Variants in HS6ST3 observed in about 807,000 individuals in gnomAD.
HS6ST3 encodes the protein heparan sulfate 6-O-sulfotransferase 3.
HS6ST3 carries 12 observed loss-of-function variants against 36.7 expected under a neutral mutation model. The observed-to-expected ratio is 0.33, with a 90% CI of 0.21 to 0.53. HS6ST3 has a LOEUF of 0.53. Ranked by LOEUF, HS6ST3 falls within the 20% of genes least tolerant of loss-of-function variation. The pLI, the probability that HS6ST3 is intolerant of heterozygous loss-of-function variation, is 0.95. For synonymous variants in HS6ST3, 240 were observed against 257.5 expected, an observed-to-expected ratio of 0.93 and a Z score of 0.65; for missense variants, 584 against 640.9, an observed-to-expected ratio of 0.91 and a Z score of 0.96.
intron 1 of HS6ST3, among the ~76,000 whole-genome samples, chr13:96,248,127 C>G (rs1396882555): frequency 6.6e-6 from 1 of 152,122 alleles, no homozygotes; most frequent in African/African-American, 2.4e-5. Flanking sequence ...AATACTTGCC[C>G]TAAAGATTTG....
intron 1 of HS6ST3, among the ~76,000 whole-genome samples, chr13:96,668,686 CTTTTTTTTTTTTTTTTTTTTTTTTTT>C (rs146033180): frequency 6.8e-5 from 4 of 58,942 alleles, no homozygotes; most frequent in Non-Finnish European, 1.3e-4. Flanking sequence ...TAGTGCCAAC[CTTTTTTTTTTTTTTTTTTTTTTTTTT>C]TTTTTTTTTT....
At chr13:96,615,251 A>C (rs2056470193) in intron 1 of HS6ST3, among the ~76,000 whole-genome samples, 1 of 152,208 alleles carries the variant, frequency 6.6e-6, no homozygotes, top group Non-Finnish European at 1.5e-5. Context: ...GCTTCAGTTG[A>C]CTGACCCTAG....
chr13:96,418,043 C>T (rs1166339319), intron 1 of HS6ST3, among the ~76,000 whole-genome samples: 1 of 152,096 alleles, frequency 6.6e-6, no homozygotes, highest in Non-Finnish European at 1.5e-5. Flanking sequence ...ACTCATCTGA[C>T]ACATGTATTT....
At chr13:96,806,396 T>C (rs1878198761) in intron 1 of HS6ST3, among the ~76,000 whole-genome samples, 1 of 152,178 alleles carries the variant, frequency 6.6e-6, no homozygotes, top group Non-Finnish European at 1.5e-5. Flanking sequence ...ATACTGATAA[T>C]TAAATAAATG....
chr13:96,329,569 T>C (rs2055053255), intron 1 of HS6ST3, among the ~76,000 whole-genome samples: 1 of 140,096 alleles, frequency 7.1e-6, no homozygotes, highest in Non-Finnish European at 1.5e-5. Context: ...ATCTCTGTTC[T>C]TTTAAATTTG....
In HS6ST3 at chr13:96,391,721, G is replaced by A. The variant is rs527575413; in HGVS notation, c.707+300152G>A. Among the ~76,000 whole-genome samples, 12 of 152,262 alleles carry A rather than the reference G, an allele frequency of 7.9e-5. No homozygotes were observed. The South Asian group carries it at 8.3e-4, about 11-fold the overall frequency. On this transcript the variant is annotated intron_variant, in intron 1 of 1. Transcript: ENST00000376705. ...GGAGCACTTGTGCAGGGAAACTCCC[G>A]TTTTTAAAACCATCAGATCTTGTGA...
intron 1 of HS6ST3, among the ~76,000 whole-genome samples, chr13:96,538,174 G>A (rs2056163492): frequency 6.6e-6 from 1 of 152,306 alleles, no homozygotes; most frequent in Admixed American, 6.5e-5. Context: ...GCATTTTAAA[G>A]GACCTTCACT....
At chr13:96,595,130 C>A (rs192401626) in intron 1 of HS6ST3, among the ~76,000 whole-genome samples, 2 of 152,160 alleles carry the variant, frequency 1.3e-5, no homozygotes, top group Non-Finnish European at 2.9e-5. Flanking sequence ...ACTGCAGCAT[C>A]AACCTCATGC....
At chr13:96,168,821 T>TA (rs1333655447) in intron 1 of HS6ST3, among the ~76,000 whole-genome samples, 40 of 152,286 alleles carry the variant, frequency 2.6e-4, no homozygotes, top group East Asian at 2.5e-3. Flanking sequence ...ATTTGGTACA[T>TA]AGATATGTTG....
intron 1 of HS6ST3, among the ~76,000 whole-genome samples, chr13:96,646,284 C>A (rs2056588366): frequency 1.3e-5 from 2 of 152,000 alleles, no homozygotes; most frequent in Non-Finnish European, 2.9e-5. Context: ...AAATGAAGAG[C>A]TCTTACCCTT....
intron 1 of HS6ST3, among the ~76,000 whole-genome samples, chr13:96,474,040 G>A (rs2055851597): frequency 6.6e-6 from 1 of 152,178 alleles, no homozygotes; most frequent in South Asian, 2.1e-4. Flanking sequence ...GGAGTGGAAT[G>A]TTGCAGAGAC....
intron 1 of HS6ST3, among the ~76,000 whole-genome samples, chr13:96,527,087 T>C (rs2056117192): frequency 8.9e-5 from 1 of 11,180 alleles, no homozygotes; most frequent in Admixed American, 2.7e-3. Flanking sequence ...TTGGTTCACT[T>C]TTTTTTTTTA....
intron 1 of HS6ST3, among the ~76,000 whole-genome samples, chr13:96,745,803 T>G (rs750670131): frequency 2.0e-5 from 3 of 152,096 alleles, no homozygotes; most frequent in Non-Finnish European, 4.4e-5. Context: ...ATTACTCTTA[T>G]AGCCAACTTC....
intron 1 of HS6ST3, among the ~76,000 whole-genome samples, chr13:96,799,995 T>C (rs558191682): frequency 8.7e-6 from 1 of 115,304 alleles, no homozygotes; most frequent in East Asian, 2.3e-4. Flanking sequence ...TATATATATA[T>C]ATGTATATAT....
At chr13:96,646,575 T>G (rs2056589176) in intron 1 of HS6ST3, among the ~76,000 whole-genome samples, 1 of 152,048 alleles carries the variant, frequency 6.6e-6, no homozygotes, top group Non-Finnish European at 1.5e-5. Flanking sequence ...TTTGGTGTGC[T>G]CTCAGTAATT....
At chr13:96,568,582 T>A (rs1382366065) in intron 1 of HS6ST3, among the ~76,000 whole-genome samples, 1 of 152,178 alleles carries the variant, frequency 6.6e-6, no homozygotes, top group Non-Finnish European at 1.5e-5. Flanking sequence ...TACATTCAAG[T>A]GTCTATATAT....
chr13:96,157,555 A>G (rs2054116032), intron 1 of HS6ST3, among the ~76,000 whole-genome samples: 1 of 152,230 alleles, frequency 6.6e-6, no homozygotes, highest in Admixed American at 6.5e-5. Flanking sequence ...GAAAGGAGGA[A>G]TCAAGAAAGC....
intron 1 of HS6ST3, among the ~76,000 whole-genome samples, chr13:96,261,482 C>A (rs73549139): frequency 6.6e-6 from 1 of 152,196 alleles, no homozygotes; most frequent in African/African-American, 2.4e-5. Flanking sequence ...AGTAAACATC[C>A]TTGATGATAG....
chr13:96,118,915 T>G (rs1388294253), intron 1 of HS6ST3, among the ~76,000 whole-genome samples: 3 of 149,526 alleles, frequency 2.0e-5, no homozygotes, highest in Non-Finnish European at 4.4e-5. Flanking sequence ...TTTCACCTTG[T>G]TAGCCAGGAT....
Sources: allele counts gnomAD v4.1 joint callset (sites outside exome capture counted in the v4.1 genomes callset), GRCh38; gene constraint gnomAD v4.1.1; transcripts MANE v1.5; gene names NCBI Gene and HGNC (gene_info 2026-07-23, HGNC 2026-07-21).